The following DENND2A variants were observed in gnomAD, a reference collection of about 807,000 sequenced individuals.
DENND2A encodes the protein DENN domain containing 2A, also known as DENN domain-containing protein 2A.
DENND2A carries 53 observed loss-of-function variants against 105.3 expected under a neutral mutation model. The ratio of observed to expected loss-of-function variants is 0.50; its 90% CI spans 0.40 to 0.63. DENND2A has a LOEUF of 0.63. DENND2A is among the 30% of genes least tolerant of loss of function. The pLI is 0.00. For synonymous variants in DENND2A, 522 were observed against 508.4 expected (o/e 1.03, Z -0.36); for missense variants, 1,138 against 1,279.6 (o/e 0.89, Z 1.69).
At chr7:140,575,139 GA>G (rs1338803545) in intron 5 of DENND2A, among the ~76,000 whole-genome samples, 3 of 152,022 alleles carry the variant, frequency 2.0e-5, no homozygotes, top group Non-Finnish European at 4.4e-5. Flanking sequence ...AAATTAATGA[GA>G]AAAAGACTAA....
At chr7:140,608,793 T>C (rs1436757422) in intron 1 of DENND2A, among the ~76,000 whole-genome samples, 1 of 152,158 alleles carries the variant, frequency 6.6e-6, no homozygotes, top group Non-Finnish European at 1.5e-5. Context: ...AGTCTGGGAT[T>C]GTGAGATAGA....
chr7:140,573,967 C>T lies in DENND2A; in HGVS notation c.1287G>A (p.Glu429=), dbSNP rs1411045456. The change falls in exon 6 of 20, where the codon GAG becomes GAA. Residue 429 remains glutamate (E), a synonymous_variant. Transcript: ENST00000496613. ...SKPAFFRQNS[E]RRNFKLLDTR... ...TGTCCAGCAGCTTGAAGTTCCTCCT[C>T]TCTGAATTTTGTCGGAAAAAAGCAG... 2 of 1,614,038 alleles carry T rather than the reference C, an allele frequency of 1.2e-6. No homozygotes were observed. Among genetic ancestry groups the T allele is most frequent in the Non-Finnish European group, 1.7e-6 (2 of 1,180,042 alleles).
Position 140,601,952 on chromosome 7 carries a change from T to C in DENND2A, c.446A>G (p.Lys149Arg). The change falls in exon 3 of 20, where the codon AAG becomes AGG. Residue 149 changes from lysine to arginine, a missense_variant. Coordinates refer to ENST00000496613, the MANE Select transcript of DENND2A (RefSeq NM_015689.5). ...WGRGREPRLGKLRFQNDPLSV... is the reference protein window; with the variant it reads ...WGRGREPRLGRLRFQNDPLSV... ...GAGGGGATCGTTCTGAAAGCGTAGCTTGCCAAGTCTTGGCTCTCGGCCTCG... is the reference window on the plus strand; with the variant it reads ...GAGGGGATCGTTCTGAAAGCGTAGCCTGCCAAGTCTTGGCTCTCGGCCTCG... 1 of 1,614,196 alleles carries C rather than the reference T, an allele frequency of 6.2e-7. No homozygotes were observed. Among genetic ancestry groups the C allele is most frequent in the Non-Finnish European group, 8.5e-7 (1 of 1,180,026 alleles).
At chr7:140,531,690 C>T (rs1307933768) in intron 14 of DENND2A, among the ~76,000 whole-genome samples, 1 of 151,648 alleles carries the variant, frequency 6.6e-6, no homozygotes, top group Non-Finnish European at 1.5e-5. Context: ...TGGCGTGTGC[C>T]TGTAATCCCA....
intron 3 of DENND2A, among the ~76,000 whole-genome samples, chr7:140,597,810 A>G (rs1010855287): frequency 1.1e-4 from 16 of 152,166 alleles, no homozygotes; most frequent in Non-Finnish European, 2.2e-4. Context: ...CTGCTGTGGG[A>G]AGCACTGGGC....
rs919032703 is a variant in DENND2A at position 140,640,136 on chromosome 7, CACAG to C, written c.-248+364_-248+367del. 25 of 152,880 alleles carry C rather than the reference CACAG, an allele frequency of 1.6e-4. No homozygotes were observed. Among genetic ancestry groups the C allele is most frequent in the African/African-American group, 5.3e-4 (22 of 41,288 alleles). The allele number at this position is 152,880 out of a possible 1,614,324, so 9.5% of individuals were successfully genotyped here. ...ACACACTCGCACAGACACACTCACA[CACAG>C]ACACACAAGCGCGCACACACACACA... is the stretch of plus-strand genomic sequence containing the variant. On this transcript the variant is annotated intron_variant, in intron 1 of 19. Coordinates refer to ENST00000496613, the MANE Select transcript of DENND2A (RefSeq NM_015689.5). This position sits in a 1 kb window ranked among gnomAD's most constrained non-coding sequence, Gnocchi z 4.9.
intron 7 of DENND2A, 128 bp downstream of exon 7, chr7:140,569,517 C>A (rs113136645): frequency 3.3e-5 from 24 of 738,446 alleles, no homozygotes; most frequent in East Asian, 4.9e-5. Context: ...AAAGACAGTG[C>A]GGGACATTTA....
intron 6 of DENND2A, among the ~76,000 whole-genome samples, chr7:140,570,138 A>G (rs930368259): frequency 2.6e-5 from 4 of 151,920 alleles, no homozygotes; most frequent in African/African-American, 9.7e-5. Context: ...CAGGTGATCC[A>G]CCCACCTTGG....
chr7:140,539,209 G>T (rs79981964), intron 14 of DENND2A, among the ~76,000 whole-genome samples: 6,880 of 152,298 alleles, frequency 0.045, 505 homozygotes, highest in African/African-American at 0.15. Flanking sequence ...CCTGGCCAAA[G>T]AACACTTCAA....
intron 1 of DENND2A, among the ~76,000 whole-genome samples, chr7:140,639,125 G>A (rs931494349): frequency 2.0e-5 from 3 of 151,926 alleles, no homozygotes; most frequent in Admixed American, 1.3e-4. Context: ...GCCGAGGCGG[G>A]CAGATCACCT....
rs774327008 is a variant in DENND2A, at chr7:140,587,711, C to T, written c.1065G>A (p.Gln355=). ...AAGTGCGTGTCAGCCCCAGCTTAGT[C>T]TGCGCGTACCAGTCCACCCTGCTGC... ...SESSRVDWYA[Q]TKLGLTRTLS... Residue 355 remains glutamine (Q), a synonymous_variant, in exon 4 of 20, where the codon CAG becomes CAA. Coordinates refer to ENST00000496613, the MANE Select transcript of DENND2A (RefSeq NM_015689.5). 2 of 1,613,614 alleles carry T rather than the reference C, an allele frequency of 1.2e-6. No individual in the cohort carries two copies. The highest frequency in any genetic ancestry group is 1.1e-5 in the South Asian group (1 of 91,058).
At chr7:140,625,772 T>C (rs1290713456) in intron 1 of DENND2A, among the ~76,000 whole-genome samples, 1 of 151,722 alleles carries the variant, frequency 6.6e-6, no homozygotes, top group African/African-American at 2.4e-5. Flanking sequence ...TCTTCTTTTA[T>C]AAGAAAAGAA....
intron 1 of DENND2A, among the ~76,000 whole-genome samples, chr7:140,606,639 C>A (rs944245962): frequency 1.3e-5 from 2 of 152,166 alleles, no homozygotes; most frequent in Non-Finnish European, 2.9e-5. Flanking sequence ...GGGAGCCCCT[C>A]CCAGCTCCTC....
chr7:140,622,161 G>A (rs1232716121), intron 1 of DENND2A, among the ~76,000 whole-genome samples: 1 of 152,122 alleles, frequency 6.6e-6, no homozygotes, highest in Non-Finnish European at 1.5e-5. Flanking sequence ...TCTTTGGGAG[G>A]CTGAGATGGA....
At chr7:140,562,391 G>A (rs1380444116) in intron 9 of DENND2A, among the ~76,000 whole-genome samples, 1 of 151,850 alleles carries the variant, frequency 6.6e-6, no homozygotes, top group South Asian at 2.1e-4. Context: ...CTGGGGCGTG[G>A]TGGCTCACGC....
intron 12 of DENND2A, among the ~76,000 whole-genome samples, chr7:140,547,982 G>T (rs1796974521): frequency 6.6e-6 from 1 of 152,168 alleles, no homozygotes; most frequent in Admixed American, 6.5e-5. Context: ...GGGAGTGGCG[G>T]CTAATAGGTA....
At position 140,545,259 on chromosome 7, in the gene DENND2A, C is replaced by T. The variant is rs146973038; in HGVS notation, c.2179-493G>A. On this transcript the variant is annotated intron_variant, in intron 13 of 19. Transcript: ENST00000496613. ...AGGCCTGAGCAGCACTTCGGAGACT[C>T]GCTGCCACCTCAAGAAGGTGTTTTT... is the stretch of plus-strand genomic sequence containing the variant. Among the ~76,000 whole-genome samples the T allele has an allele frequency of 3.9e-3, 597 of 152,268 alleles. 1 individual carries two copies. The highest frequency in any genetic ancestry group is 0.013 in the African/African-American group (539 of 41,552).
rs114978814 is a variant in DENND2A at position 140,579,636 on chromosome 7, G to T, written c.1246-5628C>A. Among the ~76,000 whole-genome samples, 459 of 151,904 alleles carry T rather than the reference G, an allele frequency of 3.0e-3. 4 individuals are homozygous for T. Among genetic ancestry groups the T allele is most frequent in the African/African-American group, 0.01 (433 of 41,444 alleles). On this transcript the variant is annotated intron_variant, in intron 5 of 19. Transcript: ENST00000496613. The stretch of plus-strand genomic sequence containing the variant: ...ACAAACTCCTGACCTCAGTTGATTC[G>T]CCTGCCTCGACCTCCCAAGATCACA...
At chr7:140,547,606 T>C (rs920477488) in intron 12 of DENND2A, among the ~76,000 whole-genome samples, 10 of 152,168 alleles carry the variant, frequency 6.6e-5, no homozygotes, top group Admixed American at 6.6e-4. Context: ...AGAGTTACCA[T>C]ATGACCCAGC....
Sources: gnomAD v4.1 joint callset for allele counts (sites outside exome capture counted in the v4.1 genomes callset) on GRCh38, gnomAD v4.1.1 for gene constraint, Gnocchi (gnomAD v3.1) non-coding constraint, MANE v1.5 for transcripts, NCBI Gene and HGNC (gene_info 2026-07-23, HGNC 2026-07-21) for gene names.